DPY19L4: variants seen among roughly 807,000 people sequenced by gnomAD.
DPY19L4 encodes the protein dpy-19 like 4.
DPY19L4 carries 97 observed loss-of-function variants against 102.8 expected under a neutral mutation model. That is an observed-to-expected ratio of 0.94 (90% CI 0.80 to 1.12). The LOEUF (loss-of-function observed/expected upper bound fraction) is 1.12. Ranked by LOEUF, DPY19L4 falls within the 50% of genes most tolerant of loss-of-function variation. DPY19L4 has a pLI of 0.00. For synonymous variants in DPY19L4, 252 were observed against 283.1 expected (o/e 0.89, Z 1.10); for missense variants, 815 against 850.4 (o/e 0.96, Z 0.52).
chr8:94,741,412 C>A (rs1274484763), intron 6 of DPY19L4, among the ~76,000 whole-genome samples: 1 of 152,112 alleles, frequency 6.6e-6, no homozygotes, highest in Non-Finnish European at 1.5e-5. Flanking sequence ...TTTCTATTTT[C>A]ATTAGCTACA....
At chr8:94,764,250 A>G (rs974004509) in intron 8 of DPY19L4, among the ~76,000 whole-genome samples, 3 of 152,156 alleles carry the variant, frequency 2.0e-5, no homozygotes, top group African/African-American at 4.8e-5. Flanking sequence ...ATGCTTTTAA[A>G]GCTCTTTATT....
Position 94,775,419 on chromosome 8 carries a change from G to A in DPY19L4, c.1455-2247G>A, listed in dbSNP as rs777592649. ...ACTCCTGACCTCAGTTGTTCCACCC[G>A]CCTCAGCCTCCCAAAGTGCTGGGAT... On this transcript the variant is annotated intron_variant, in intron 13 of 18. Transcript: ENST00000414645. Among the ~76,000 whole-genome samples the A allele has an allele frequency of 3.3e-5, 5 of 152,212 alleles. No individual in the cohort carries two copies. The East Asian group carries it at 7.7e-4, about 23-fold the overall frequency.
intron 18 of DPY19L4, among the ~76,000 whole-genome samples, chr8:94,788,972 A>G (rs1254776859): frequency 6.6e-6 from 1 of 152,106 alleles, no homozygotes; most frequent in Non-Finnish European, 1.5e-5. Context: ...ACTCTGTTTT[A>G]TGGTACATGT....
chr8:94,763,480 A>G (rs1382330353), intron 8 of DPY19L4, among the ~76,000 whole-genome samples: 1 of 149,876 alleles, frequency 6.7e-6, no homozygotes, highest in African/African-American at 2.5e-5. Flanking sequence ...AGCTGAGACT[A>G]CAAGTGCGTG....
Position 94,726,408 on chromosome 8 carries a change from A to C in DPY19L4, c.94A>C (p.Ser32Arg). The C allele has an allele frequency of 1.2e-6, 2 of 1,611,222 alleles. No homozygotes were observed. The highest frequency in any genetic ancestry group is 2.7e-5 in the African/African-American group (2 of 74,896). The change falls in exon 2 of 19, where the codon AGT becomes CGT. Residue 32 changes from serine to arginine, a missense_variant. Physicochemically the swap from Ser to Arg is moderately radical, Grantham distance 110 (BLOSUM62 -1). Coordinates refer to ENST00000414645, the MANE Select transcript of DPY19L4 (RefSeq NM_181787.3). ...NKESAKEEKI[S>R]DIPIPERAPK... is the part of the protein sequence containing the mutation. ...GGAATCTGCCAAAGAAGAGAAAATC[A>C]GTGACATTCCAATTCCTGAAAGAGC...
intron 7 of DPY19L4, among the ~76,000 whole-genome samples, chr8:94,757,618 C>T (rs947968389): frequency 1.8e-4 from 28 of 151,660 alleles, no homozygotes; most frequent in African/African-American, 6.5e-4. Flanking sequence ...CTATGTTGGC[C>T]AGTCTGGCCT....
intron 3 of DPY19L4, among the ~76,000 whole-genome samples, chr8:94,737,191 T>G (rs13253809): frequency 6.6e-6 from 1 of 152,240 alleles, no homozygotes; most frequent in African/African-American, 2.4e-5. Flanking sequence ...TATTTTATTG[T>G]TATTATTTTT....
chr8:94,735,989 A>G (rs1301791571), intron 3 of DPY19L4, among the ~76,000 whole-genome samples: 1 of 152,224 alleles, frequency 6.6e-6, no homozygotes, highest in African/African-American at 2.4e-5. Flanking sequence ...GCTTATAAAC[A>G]ACAGAATGGC....
At chr8:94,739,193 T>G (rs1239744409) in intron 4 of DPY19L4, among the ~76,000 whole-genome samples, 1 of 152,068 alleles carries the variant, frequency 6.6e-6, no homozygotes, top group African/African-American at 2.4e-5. Context: ...CTCTGATAAC[T>G]TCTATTCTGC....
chr8:94,773,444 T>C (rs1813020238), intron 13 of DPY19L4, among the ~76,000 whole-genome samples: 1 of 152,144 alleles, frequency 6.6e-6, no homozygotes, highest in Non-Finnish European at 1.5e-5. Flanking sequence ...GGTTTTTGTT[T>C]TTGTTTTTTG....
In DPY19L4 at chr8:94,761,749, T is replaced by C; in HGVS notation, c.785T>C (p.Met262Thr). 3 of 1,612,104 alleles carry C rather than the reference T, an allele frequency of 1.9e-6. No individual in the cohort carries two copies. The highest frequency in any genetic ancestry group is 2.2e-5 in the East Asian group (1 of 44,766). Residue 262 changes from methionine to threonine, a missense_variant, in exon 8 of 19, where the codon ATG (methionine) becomes ACG (threonine). Met to Thr is a moderately conservative substitution (Grantham distance 81, BLOSUM62 -1). Coordinates refer to ENST00000414645, the MANE Select transcript of DPY19L4 (RefSeq NM_181787.3). ...GCTTCAACTTACACATTTATGATGA[T>C]GTGGGAGTATAGCCACTATCTCCTG... ...MSASTYTFMMMWEYSHYLLFL... is the reference protein window; with the variant it reads ...MSASTYTFMMTWEYSHYLLFL...
intron 15 of DPY19L4, 145 bp from the exon 16 acceptor site, chr8:94,780,939 C>T (rs1813398174): frequency 1.7e-6 from 1 of 586,838 alleles, no homozygotes; most frequent in South Asian, 2.6e-5. Context: ...TCCATCATGA[C>T]ATTTTTTCCA....
chr8:94,781,472 C>T (rs559301933), intron 16 of DPY19L4, among the ~76,000 whole-genome samples: 1 of 152,162 alleles, frequency 6.6e-6, no homozygotes, highest in Admixed American at 6.5e-5. Context: ...GCTTATTTTG[C>T]CCTGTGTTGG....
intron 13 of DPY19L4, among the ~76,000 whole-genome samples, chr8:94,771,741 G>A (rs1036248690): frequency 1.6e-4 from 24 of 152,146 alleles, no homozygotes; most frequent in South Asian, 4.1e-4. Flanking sequence ...CATTGTTGGC[G>A]GGAGGAAAAG....
At chr8:94,787,368 A>C (rs144130299) in intron 17 of DPY19L4, among the ~76,000 whole-genome samples, 12 of 152,232 alleles carry the variant, frequency 7.9e-5, no homozygotes, top group African/African-American at 2.4e-4. Context: ...TGTGCCACAG[A>C]ATGTTGAAGG....
chr8:94,783,701 G>C lies in DPY19L4; in HGVS notation c.1747G>C (p.Gly583Arg). The part of the protein sequence containing the change: ...RQAPVAAVFA[G>R]SPQLMGAIKL... The stretch of plus-strand genomic sequence containing the variant: ...AGCTCCAGTTGCAGCTGTGTTTGCA[G>C]GGAGTCCACAGTTAATGGGTGCGAT... Residue 583 changes from glycine to arginine, a missense_variant, in exon 17 of 19, where the codon GGG becomes CGG. Coordinates refer to ENST00000414645, the MANE Select transcript of DPY19L4 (RefSeq NM_181787.3). 1 of 1,614,064 alleles carries C rather than the reference G, an allele frequency of 6.2e-7. No individual in the cohort carries two copies. The highest frequency in any genetic ancestry group is 8.5e-7 in the Non-Finnish European group (1 of 1,179,982).
At chr8:94,776,163 G>A (rs936731452) in intron 13 of DPY19L4, among the ~76,000 whole-genome samples, 1 of 150,946 alleles carries the variant, frequency 6.6e-6, no homozygotes, top group African/African-American at 2.4e-5. Flanking sequence ...CTCCCGAGTA[G>A]CTGGGACTAC....
rs768252823 is a variant in DPY19L4 at position 94,734,738 on chromosome 8, G to A, written c.236G>A (p.Trp79Ter). Reference sequence around the variant, plus strand: ...TCAGCATACCATGAACGGAAATTCTGGTTTTCCAACAGGCAGGTAAGAAGA... The same window carrying A: ...TCAGCATACCATGAACGGAAATTCTAGTTTTCCAACAGGCAGGTAAGAAGA... ...YLSAYHERKFWFSNRQELERE... is the reference protein window; with the variant it reads ...YLSAYHERKF The change falls in exon 3 of 19, where the codon TGG becomes TAG. Residue 79 changes from tryptophan (W) to a stop codon, truncating the protein, a stop_gained. Coordinates refer to ENST00000414645, the MANE Select transcript of DPY19L4 (RefSeq NM_181787.3). LOFTEE classifies it high-confidence loss of function. 4.3e-6 allele frequency: 7 copies of A among 1,613,310 alleles called. No homozygotes were observed. The highest frequency in any genetic ancestry group is 1.7e-5 in the Admixed American group (1 of 59,824).
intron 12 of DPY19L4, 115 bp from the exon 13 acceptor site, chr8:94,770,337 T>G (rs1002661206): frequency 8.8e-7 from 1 of 1,130,590 alleles, no homozygotes; most frequent in Non-Finnish European, 1.2e-6. Flanking sequence ...CTATATTTTT[T>G]GTTATGACGA....
Sources: allele counts gnomAD v4.1 joint callset (sites outside exome capture counted in the v4.1 genomes callset), GRCh38; gene constraint gnomAD v4.1.1; transcripts MANE v1.5; gene names NCBI Gene and HGNC (gene_info 2026-07-23, HGNC 2026-07-21).